FUT9: variants seen among roughly 807,000 people sequenced by gnomAD.
FUT9 encodes the protein fucosyltransferase 9.
In FUT9, 15 loss-of-function variants were observed where a neutral mutation model predicts 29.7. The ratio of observed to expected loss-of-function variants is 0.51; its 90% CI spans 0.34 to 0.78. The LOEUF (loss-of-function observed/expected upper bound fraction) is 0.78. FUT9 is among the 30% of genes least tolerant of loss of function. FUT9 has a pLI of 0.01. For missense variants in FUT9, 319 were observed against 425.4 expected (o/e 0.75, Z 2.20); for synonymous variants, 169 against 153.7 (o/e 1.10, Z -0.74).
At chr6:96,036,152 T>C (rs1421795988) in intron 1 of FUT9, among the ~76,000 whole-genome samples, 1 of 147,874 alleles carries the variant, frequency 6.8e-6, no homozygotes, top group East Asian at 2.0e-4. Context: ...CTTTTGATTT[T>C]AGATTTCTTA....
At chr6:96,052,236 A>C (rs1455692862) in intron 1 of FUT9, among the ~76,000 whole-genome samples, 1 of 152,118 alleles carries the variant, frequency 6.6e-6, no homozygotes, top group East Asian at 1.9e-4. Flanking sequence ...TGCCCCCAAG[A>C]CTCAATTACT....
chr6:96,076,118 C>G (rs1194910275), intron 1 of FUT9, among the ~76,000 whole-genome samples: 1 of 152,096 alleles, frequency 6.6e-6, no homozygotes, highest in Non-Finnish European at 1.5e-5. Flanking sequence ...CCATGGAATT[C>G]AGAAATAGCC....
chr6:96,118,135 T>C (rs1409054102), intron 2 of FUT9, among the ~76,000 whole-genome samples: 1 of 150,206 alleles, frequency 6.7e-6, no homozygotes, highest in East Asian at 2.0e-4. Flanking sequence ...AGCATGGGAG[T>C]TGGAGGTTGC....
chr6:96,215,489 G>GT lies in FUT9; in HGVS notation c.*11255dup, dbSNP rs1562170504. 1.8e-5 allele frequency: 3 copies of GT among 166,818 alleles called. No homozygotes were observed. The highest frequency in any genetic ancestry group is 3.4e-3 in the Middle Eastern group (1 of 296). 10.3% of individuals were successfully genotyped at this position (166,818 alleles called of 1,614,324 possible). On this transcript the variant is annotated 3_prime_UTR_variant, in exon 3 of 3. Transcript: ENST00000302103. Reference sequence around the variant, plus strand: ...TTCAGTCATATTTCCTAAATTCAGTGTAAGTACCTCGCTGATTTAGCACTG... The same window carrying GT: ...TTCAGTCATATTTCCTAAATTCAGTGTTAAGTACCTCGCTGATTTAGCACTG...
In FUT9 at chr6:96,144,350, C is replaced by A. The variant is rs550879404; in HGVS notation, c.-9+30223C>A. Among the ~76,000 whole-genome samples, 16 of 152,230 alleles carry A rather than the reference C, an allele frequency of 1.1e-4. No individual in the cohort carries two copies. In the South Asian group the frequency reaches 1.9e-3, roughly 18 times the overall value. On this transcript the variant is annotated intron_variant, in intron 2 of 2. Coordinates refer to ENST00000302103, the MANE Select transcript of FUT9 (RefSeq NM_006581.4). The stretch of plus-strand genomic sequence containing the variant: ...TCAGTGCTATGCAGGGCCATTATAT[C>A]TTCTTTGTGCTGGTAGGAGAAAAGA...
At chr6:96,055,718 T>C (rs1536059) in intron 1 of FUT9, among the ~76,000 whole-genome samples, 4,182 of 147,888 alleles carry the variant, frequency 0.028, 240 homozygotes, top group African/African-American at 0.097. Context: ...TCTTTTTTTT[T>C]TTTTTTCCTA....
At chr6:96,041,833 G>A (rs1242443928) in intron 1 of FUT9, among the ~76,000 whole-genome samples, 1 of 151,976 alleles carries the variant, frequency 6.6e-6, no homozygotes, top group Non-Finnish European at 1.5e-5. Flanking sequence ...AACCTTTTAT[G>A]GAAAAATATT....
intron 1 of FUT9, among the ~76,000 whole-genome samples, chr6:96,100,230 AACACACACACAC>A (rs36064811): frequency 0.047 from 7,030 of 148,850 alleles, 221 homozygotes; most frequent in South Asian, 0.11. Flanking sequence ...CACACACACC[AACACACACACAC>A]ACACACACAC....
chr6:96,115,209 C>A (rs1201713434), intron 2 of FUT9, among the ~76,000 whole-genome samples: 2 of 152,116 alleles, frequency 1.3e-5, no homozygotes, highest in Non-Finnish European at 2.9e-5. Flanking sequence ...CTCATGGCCA[C>A]ATTTTTTAAA....
chr6:96,060,469 A>T (rs951221312), intron 1 of FUT9, among the ~76,000 whole-genome samples: 3 of 152,132 alleles, frequency 2.0e-5, no homozygotes, highest in Admixed American at 6.5e-5. Flanking sequence ...TAACCATTTA[A>T]GTAAATTTTT....
At chr6:96,113,626 C>T (rs1160871018) in intron 1 of FUT9, among the ~76,000 whole-genome samples, 4 of 151,618 alleles carry the variant, frequency 2.6e-5, no homozygotes, top group East Asian at 4.0e-4. Context: ...GAGGCCGAGG[C>T]GGGCGGATCA....
Position 96,067,672 on chromosome 6 carries a change from C to CT in FUT9, c.-97-46363dup, listed in dbSNP as rs778999092. Among the ~76,000 whole-genome samples, 96 of 152,082 alleles carry CT rather than the reference C, an allele frequency of 6.3e-4. 3 individuals are homozygous for CT. The highest frequency in any genetic ancestry group is 5.5e-3 in the Admixed American group (84 of 15,280). On this transcript the variant is annotated intron_variant, in intron 1 of 2. Coordinates refer to ENST00000302103, the MANE Select transcript of FUT9 (RefSeq NM_006581.4). ...AAATGACTCAAGGATGACTCTGATG[C>CT]TTTTAGCTTTTAGCTTGGAAGTATA...
At chr6:96,051,674 A>G (rs1770673087) in intron 1 of FUT9, among the ~76,000 whole-genome samples, 1 of 152,102 alleles carries the variant, frequency 6.6e-6, no homozygotes, top group South Asian at 2.1e-4. Flanking sequence ...AGTAATAAAT[A>G]AAACTATAAA....
rs191146529 is a variant in FUT9, at chr6:96,032,476, G to T, written c.-98+16264G>T. ...AAAGACAAGTAGTAAGGAAAGAAAA[G>T]AAAGGAAGGATTACTCAAATATGCT... On this transcript the variant is annotated intron_variant, in intron 1 of 2. Coordinates refer to ENST00000302103, the MANE Select transcript of FUT9 (RefSeq NM_006581.4). Among the ~76,000 whole-genome samples the T allele has an allele frequency of 2.3e-4, 35 of 151,664 alleles. No individual in the cohort carries two copies. The East Asian group carries it at 4.7e-3, about 20-fold the overall frequency.
chr6:96,061,018 C>T (rs1269852819), intron 1 of FUT9, among the ~76,000 whole-genome samples: 1 of 151,978 alleles, frequency 6.6e-6, no homozygotes, highest in East Asian at 1.9e-4. Flanking sequence ...ATACATAAGC[C>T]TGTTATTACA....
chr6:96,035,459 A>T (rs2127928955), intron 1 of FUT9, among the ~76,000 whole-genome samples: 1 of 151,098 alleles, frequency 6.6e-6, no homozygotes, highest in South Asian at 2.1e-4. Flanking sequence ...TTTCTCTTAT[A>T]TCTTATTCAA....
intron 2 of FUT9, 117 bp from the exon 3 acceptor site, chr6:96,203,031 C>T (rs942095825): frequency 1.4e-6 from 1 of 723,592 alleles, no homozygotes; most frequent in East Asian, 2.6e-5. Flanking sequence ...AAGGAAAATG[C>T]AGTTGATTAC....
chr6:96,025,966 G>A (rs1253663939), intron 1 of FUT9, among the ~76,000 whole-genome samples: 2 of 151,460 alleles, frequency 1.3e-5, no homozygotes, highest in Non-Finnish European at 3.0e-5. Flanking sequence ...TTTCCACAAG[G>A]CAACATGAAG....
At chr6:96,178,510 C>T (rs1207213537) in intron 2 of FUT9, among the ~76,000 whole-genome samples, 1 of 152,024 alleles carries the variant, frequency 6.6e-6, no homozygotes, top group African/African-American at 2.4e-5. Flanking sequence ...AAGATACCTC[C>T]CAGAGAAAAA....
Sources: allele counts gnomAD v4.1 joint callset (sites outside exome capture counted in the v4.1 genomes callset), GRCh38; gene constraint gnomAD v4.1.1; transcripts MANE v1.5; gene names NCBI Gene and HGNC (gene_info 2026-07-23, HGNC 2026-07-21).